TCF7L2: variants seen among roughly 807,000 people sequenced by gnomAD.
TCF7L2 encodes the protein transcription factor 7 like 2, also known as transcription factor 7-like 2.
A neutral mutation model predicts 77.9 loss-of-function variants in TCF7L2; 23 were observed. That is an observed-to-expected ratio of 0.30 (90% CI 0.21 to 0.42). The LOEUF (loss-of-function observed/expected upper bound fraction) is 0.42. Among genes scored for constraint, TCF7L2 ranks in the 10% least tolerant of loss-of-function variants. The pLI is 1.00. For missense variants in TCF7L2, 654 were observed against 793.1 expected (o/e 0.82, Z 2.11); for synonymous variants, 413 against 340.2 (o/e 1.21, Z -2.36).
rs1491504603 is a variant in TCF7L2, at chr10:113,110,368, GGT to G, written c.553-30815_553-30814del. Among the ~76,000 whole-genome samples, 162 of 97,296 alleles carry G rather than the reference GGT, an allele frequency of 1.7e-3. 1 individual carries two copies. Among genetic ancestry groups the G allele is most frequent in the African/African-American group, 4.7e-3 (137 of 29,426 alleles). The allele number at this position is 97,296 out of a possible 152,430, so 63.8% of individuals were successfully genotyped here. ...TGAAATGTTTGAGATTGTCTACTGGGGTTTTTTTTTTTTTTTTTTTTTACGAA... is the reference window on the plus strand; with the variant it reads ...TGAAATGTTTGAGATTGTCTACTGGGTTTTTTTTTTTTTTTTTTTTACGAA... On this transcript the variant is annotated intron_variant, in intron 5 of 13. Transcript: ENST00000627217.
At chr10:113,051,203 CCACACACACA>C (rs55771704) in intron 5 of TCF7L2, among the ~76,000 whole-genome samples, 2,112 of 140,476 alleles carry the variant, frequency 0.015, 49 homozygotes, top group African/African-American at 0.051. Flanking sequence ...TGCATACACA[CCACACACACA>C]CACACACACA....
At chr10:113,137,041 T>G (rs1197197039) in intron 5 of TCF7L2, among the ~76,000 whole-genome samples, 6 of 152,134 alleles carry the variant, frequency 3.9e-5, no homozygotes, top group Admixed American at 1.3e-4. Flanking sequence ...TTCTTTAACT[T>G]TCAGCTCCTC....
intron 13 of TCF7L2, chr10:113,161,607 G>T: frequency 1.3e-6 from 2 of 1,536,088 alleles, no homozygotes; most frequent in Non-Finnish European, 1.7e-6. Context: ...TACAATGGTA[G>T]GTATTTCAAC....
chr10:113,085,806 C>T (rs1444450314), intron 5 of TCF7L2, among the ~76,000 whole-genome samples: 1 of 152,216 alleles, frequency 6.6e-6, no homozygotes, highest in Non-Finnish European at 1.5e-5. Flanking sequence ...AAACACACCT[C>T]TTGAGGTCCT....
At chr10:113,091,328 C>T (rs1285942081) in intron 5 of TCF7L2, among the ~76,000 whole-genome samples, 1 of 152,164 alleles carries the variant, frequency 6.6e-6, no homozygotes. Flanking sequence ...ACTTTTAATT[C>T]TAGGAACACT....
chr10:113,102,840 A>C (rs1033392968), intron 5 of TCF7L2, among the ~76,000 whole-genome samples: 2 of 152,162 alleles, frequency 1.3e-5, no homozygotes, highest in African/African-American at 4.8e-5. Flanking sequence ...AAAATCCACT[A>C]TCCTTCTGGC....
intron 5 of TCF7L2, among the ~76,000 whole-genome samples, chr10:113,044,861 G>A (rs1293489152): frequency 6.6e-6 from 1 of 152,150 alleles, no homozygotes; most frequent in East Asian, 1.9e-4. Flanking sequence ...AGTGACTTGG[G>A]GTGCAGCATA....
chr10:112,959,394 A>G (rs1167392442), intron 3 of TCF7L2, among the ~76,000 whole-genome samples: 1 of 152,236 alleles, frequency 6.6e-6, no homozygotes, highest in African/African-American at 2.4e-5. Context: ...TCTCTGACTC[A>G]TAGCTGATGG....
intron 4 of TCF7L2, among the ~76,000 whole-genome samples, chr10:113,034,094 G>A (rs935200680): frequency 6.6e-6 from 1 of 152,202 alleles, no homozygotes; most frequent in African/African-American, 2.4e-5. Flanking sequence ...CCATTTCTGA[G>A]AAATGAGGTA....
intron 5 of TCF7L2, among the ~76,000 whole-genome samples, chr10:113,102,567 C>T (rs1051626900): frequency 4.6e-5 from 7 of 151,744 alleles, no homozygotes; most frequent in Admixed American, 6.6e-5. Flanking sequence ...TAGGATTACA[C>T]GTGCCCACCA....
chr10:113,091,329 T>C (rs932526636), intron 5 of TCF7L2, among the ~76,000 whole-genome samples: 2 of 152,264 alleles, frequency 1.3e-5, no homozygotes, highest in Admixed American at 1.3e-4. Flanking sequence ...CTTTTAATTC[T>C]AGGAACACTT....
At chr10:112,989,383 G>C (rs1298711966) in intron 4 of TCF7L2, among the ~76,000 whole-genome samples, 2 of 149,554 alleles carry the variant, frequency 1.3e-5, no homozygotes, top group Non-Finnish European at 3.0e-5. Flanking sequence ...AAGAAAAAAA[G>C]CCAAAACACT....
intron 5 of TCF7L2, among the ~76,000 whole-genome samples, chr10:113,126,302 T>C (rs932529080): frequency 6.6e-6 from 1 of 152,176 alleles, no homozygotes; most frequent in East Asian, 1.9e-4. Flanking sequence ...GCAGAAAACT[T>C]TGGAGTGAAG....
At chr10:113,141,364 C>T (rs2136849225) in intron 6 of TCF7L2, 48 bp downstream of exon 6, 2 of 1,612,128 alleles carry the variant, frequency 1.2e-6, no homozygotes, top group Non-Finnish European at 1.7e-6. Flanking sequence ...TCCTGGGGTT[C>T]TGGGGGAACC....
At position 113,105,269 on chromosome 10, in the gene TCF7L2, C is replaced by G. The variant is rs187416747; in HGVS notation, c.553-35915C>G. 3.0e-4 allele frequency among the ~76,000 whole-genome samples: 46 copies of G among 152,202 alleles called. 1 individual carries two copies. The East Asian group carries it at 7.5e-3, about 25-fold the overall frequency. On this transcript the variant is annotated intron_variant, in intron 5 of 13. Coordinates refer to ENST00000627217, the MANE Select transcript of TCF7L2 (RefSeq NM_001146274.2). ...GAGTTGTTGCCTTTAGGAAGTGTACCGTCTAGCCAGGAGTAACGGCTTGAG... is the reference window on the plus strand; with the variant it reads ...GAGTTGTTGCCTTTAGGAAGTGTACGGTCTAGCCAGGAGTAACGGCTTGAG...
At chr10:113,071,530 G>A (rs1018022589) in intron 5 of TCF7L2, among the ~76,000 whole-genome samples, 19 of 152,058 alleles carry the variant, frequency 1.2e-4, no homozygotes, top group African/African-American at 3.1e-4. Flanking sequence ...TTCTCACCCC[G>A]TCCCCCCGCC....
chr10:113,025,428 G>A (rs549611498), intron 4 of TCF7L2, among the ~76,000 whole-genome samples: 251 of 152,116 alleles, frequency 1.7e-3, no homozygotes, highest in African/African-American at 5.8e-3. Context: ...TAGTAGGGTC[G>A]GAGTTTCACT....
chr10:113,139,085 G>T (rs910932205), intron 5 of TCF7L2, among the ~76,000 whole-genome samples: 1 of 152,122 alleles, frequency 6.6e-6, no homozygotes, highest in East Asian at 1.9e-4. Context: ...GCTATGGGTG[G>T]TTCTCCCCAC....
chr10:112,991,307 A>G (rs897511937), intron 4 of TCF7L2, among the ~76,000 whole-genome samples: 1 of 151,958 alleles, frequency 6.6e-6, no homozygotes, highest in African/African-American at 2.4e-5. Context: ...AGGCGGGCGG[A>G]TCACAAGGTC....
Sources: gnomAD v4.1 joint callset for allele counts (sites outside exome capture counted in the v4.1 genomes callset) on GRCh38, gnomAD v4.1.1 for gene constraint, MANE v1.5 for transcripts, NCBI Gene and HGNC (gene_info 2026-07-23, HGNC 2026-07-21) for gene names.